Variants in SLC39A8 observed in about 807,000 individuals in gnomAD.
SLC39A8 encodes solute carrier family 39 member 8.
SLC39A8 carries 15 observed loss-of-function variants against 40.4 expected under a neutral mutation model. The observed-to-expected ratio is 0.37, with a 90% CI of 0.25 to 0.57. The LOEUF (loss-of-function observed/expected upper bound fraction) is 0.57. Among genes scored for constraint, SLC39A8 ranks in the 20% least tolerant of loss-of-function variants. SLC39A8 has a pLI of 0.75. For missense variants in SLC39A8, 472 were observed against 558.8 expected (o/e 0.84, Z 1.57); for synonymous variants, 223 against 221.6 (o/e 1.01, Z -0.06).
chr4:102,292,642 C>A (rs1406184738), intron 6 of SLC39A8, among the ~76,000 whole-genome samples: 1 of 152,030 alleles, frequency 6.6e-6, no homozygotes, highest in Non-Finnish European at 1.5e-5. Context: ...ACCAAGTCTC[C>A]TACTCTTTCA....
chr4:102,285,415 T>C (rs1010880152), intron 6 of SLC39A8, among the ~76,000 whole-genome samples: 1 of 152,138 alleles, frequency 6.6e-6, no homozygotes, highest in East Asian at 1.9e-4. Flanking sequence ...CAAATTTCAC[T>C]ACCTAATCAA....
intron 6 of SLC39A8, among the ~76,000 whole-genome samples, chr4:102,285,729 A>G (rs1342459725): frequency 2.0e-5 from 3 of 152,040 alleles, no homozygotes; most frequent in Non-Finnish European, 4.4e-5. Context: ...GTTTGGCAAG[A>G]CCACACTTCA....
chr4:102,333,590 G>A (rs1353751893), intron 2 of SLC39A8, among the ~76,000 whole-genome samples: 3 of 152,158 alleles, frequency 2.0e-5, no homozygotes, highest in Non-Finnish European at 4.4e-5. Context: ...ATACCAAAAG[G>A]TTTTGATGGA....
chr4:102,310,552 T>C (rs943514056), intron 3 of SLC39A8, among the ~76,000 whole-genome samples: 1 of 152,142 alleles, frequency 6.6e-6, no homozygotes, highest in Non-Finnish European at 1.5e-5. Flanking sequence ...TCCAACTTTC[T>C]AACTTTCTTT....
chr4:102,278,275 T>C (rs551078075), intron 6 of SLC39A8, among the ~76,000 whole-genome samples: 67 of 152,222 alleles, frequency 4.4e-4, no homozygotes, highest in African/African-American at 1.6e-3. Context: ...TACAAGGAAC[T>C]TAAACAAATT....
chr4:102,268,833 A>ATTCC (rs1732224418), intron 6 of SLC39A8, among the ~76,000 whole-genome samples: 1 of 152,240 alleles, frequency 6.6e-6, no homozygotes, highest in Admixed American at 6.5e-5. Context: ...CTTTGTAGGA[A>ATTCC]TTTAGATTTC....
chr4:102,335,374 A>T (rs1735621844), intron 2 of SLC39A8, among the ~76,000 whole-genome samples: 4 of 152,174 alleles, frequency 2.6e-5, no homozygotes, highest in Non-Finnish European at 5.9e-5. Context: ...GAAGAGATAC[A>T]TCTCTCACTT....
Position 102,344,812 on chromosome 4 carries a change from G to A in SLC39A8, c.-150C>T. 1 of 1,321,896 alleles carries A rather than the reference G, an allele frequency of 7.6e-7. No individual in the cohort carries two copies. The allele number at this position is 1,321,896 out of a possible 1,614,324, so 81.9% of individuals were successfully genotyped here. On this transcript the variant is annotated 5_prime_UTR_variant, in exon 2 of 9. Transcript: ENST00000356736. ...TGGCGCGGGACGCCCCTGGTTCTCC[G>A]ACGCCTTCGAAAGAACAGCAGCTCG...
downstream of SLC39A8, among the ~76,000 whole-genome samples, chr4:102,258,097 G>GTTTTT (rs1270948341): frequency 2.9e-5 from 4 of 136,704 alleles, no homozygotes; most frequent in African/African-American, 1.4e-4. Context: ...GTAAGTAAGT[G>GTTTTT]TTTTTTGTTT....
rs1010979437 is a variant in SLC39A8 at position 102,279,626 on chromosome 4, G to A, written c.841-11547C>T. Among the ~76,000 whole-genome samples the A allele has an allele frequency of 6.6e-5, 10 of 152,138 alleles. No homozygotes were observed. The South Asian group carries it at 1.5e-3, about 22-fold the overall frequency. ...TAAGGTAAATACAGAAGGTATTGTC[G>A]ATGGGGGGGCCCTATAATGAGCAGT... On this transcript the variant is annotated intron_variant, in intron 6 of 8. Transcript: ENST00000356736.
chr4:102,267,962 G>A lies in SLC39A8; in HGVS notation c.958C>T (p.Leu320=), dbSNP rs138693103. ...AAGGTGCAGGAAGCCCCAATCGCCA[G>A]GCCATCGATGAAATTGTGGAGGGCA... is the stretch of plus-strand genomic sequence containing the variant. ...CDALHNFIDG[L]AIGASCTLSL... is the part of the protein sequence containing the mutation. Residue 320 remains leucine (L), a synonymous_variant, in exon 7 of 9, where the codon CTG becomes TTG. Transcript: ENST00000356736. 214 of 1,614,094 alleles carry A rather than the reference G, an allele frequency of 1.3e-4. No homozygotes were observed. The highest frequency in any genetic ancestry group is 1.7e-4 in the Non-Finnish European group (202 of 1,180,048).
At position 102,333,159 on chromosome 4, in the gene SLC39A8, T is replaced by C. The variant is rs1045232355; in HGVS notation, c.219+11285A>G. ...TGCACATGTATCCCAGAACTTGAAG[T>C]CTAATAAAATAATAAAATGTGTATA... On this transcript the variant is annotated intron_variant, in intron 2 of 8. Coordinates refer to ENST00000356736, the MANE Select transcript of SLC39A8 (RefSeq NM_001135146.2). Among the ~76,000 whole-genome samples, 158 of 152,108 alleles carry C rather than the reference T, an allele frequency of 1.0e-3. 3 individuals are homozygous for C. The highest frequency in any genetic ancestry group is 3.7e-3 in the African/African-American group (152 of 41,494).
At chr4:102,276,892 T>C (rs980307650) in intron 6 of SLC39A8, among the ~76,000 whole-genome samples, 1 of 152,102 alleles carries the variant, frequency 6.6e-6, no homozygotes, top group African/African-American at 2.4e-5. Flanking sequence ...AAAAAACACA[T>C]GATTATCTCG....
chr4:102,344,885 G>A lies in SLC39A8; in HGVS notation c.-223C>T, dbSNP rs1736106570. On this transcript the variant is annotated 5_prime_UTR_variant, in exon 2 of 9. Coordinates refer to ENST00000356736, the MANE Select transcript of SLC39A8 (RefSeq NM_001135146.2). ...GCAGCGTAGCCGAGGGGAGCGATAGGCGGAGTGGGCCCCCCGGCCTCCTGG... is the reference window on the plus strand; with the variant it reads ...GCAGCGTAGCCGAGGGGAGCGATAGACGGAGTGGGCCCCCCGGCCTCCTGG... The A allele has an allele frequency of 1.5e-6, 2 of 1,303,740 alleles. No individual in the cohort carries two copies. The highest frequency in any genetic ancestry group is 1.6e-5 in the African/African-American group (1 of 64,340). The allele number at this position is 1,303,740 out of a possible 1,614,324, so 80.8% of individuals were successfully genotyped here.
intron 6 of SLC39A8, among the ~76,000 whole-genome samples, chr4:102,278,717 T>A (rs1219989003): frequency 6.6e-6 from 1 of 152,114 alleles, no homozygotes; most frequent in African/African-American, 2.4e-5. Context: ...CTATTTACAA[T>A]AGCAAAGACT....
At chr4:102,259,547 G>C, downstream of SLC39A8, 2 of 1,447,490 alleles carry the variant, frequency 1.4e-6, no homozygotes, top group Non-Finnish European at 1.9e-6. Context: ...TGGTATTATG[G>C]GGGAGAGATA....
In SLC39A8 at chr4:102,263,012, C is replaced by T. The variant is rs1215085121; in HGVS notation, c.*32G>A. ...TGGAGATGTTTTTATCTATTAAATG[C>T]CTTTATTAACAACACCATCTTCCAT... is the stretch of plus-strand genomic sequence containing the variant. On this transcript the variant is annotated 3_prime_UTR_variant, in exon 9 of 9. Transcript: ENST00000356736. The T allele has an allele frequency of 1.8e-5, 29 of 1,573,552 alleles. No homozygotes were observed. The highest frequency in any genetic ancestry group is 2.2e-5 in the Non-Finnish European group (26 of 1,157,620).
exon 12 of SLC39A8, chr4:102,253,095 C>T (rs1324054032): frequency 1.3e-5 from 3 of 238,346 alleles, no homozygotes; most frequent in African/African-American, 6.9e-5. Context: ...TTTGCAATGA[C>T]TCTATTTCCA....
intron 3 of SLC39A8, among the ~76,000 whole-genome samples, chr4:102,308,774 C>G (rs1734299510): frequency 6.6e-6 from 1 of 152,108 alleles, no homozygotes; most frequent in Non-Finnish European, 1.5e-5. Flanking sequence ...CTAGTAACAC[C>G]TACAGCTCAG....
Sources: gnomAD v4.1 joint callset for allele counts (sites outside exome capture counted in the v4.1 genomes callset) on GRCh38, gnomAD v4.1.1 for gene constraint, MANE v1.5 for transcripts, NCBI Gene and HGNC (gene_info 2026-07-23, HGNC 2026-07-21) for gene names.